FRMD5: variants seen among roughly 807,000 people sequenced by gnomAD.
FRMD5 encodes the protein FERM domain containing 5.
In FRMD5, 20 loss-of-function variants were observed where a neutral mutation model predicts 69.0. The observed-to-expected ratio is 0.29, with a 90% CI of 0.20 to 0.42. The LOEUF (loss-of-function observed/expected upper bound fraction) is 0.42, where lower values mean the gene tolerates loss of function less well. Among genes scored for constraint, FRMD5 ranks in the 10% least tolerant of loss-of-function variants. The probability of loss-of-function intolerance (pLI) is 1.00; values close to 1 mark genes in which losing one functional copy is unlikely to be tolerated. For synonymous variants in FRMD5, 271 were observed against 260.1 expected, an observed-to-expected ratio of 1.04 and a Z score of -0.40; for missense variants, 595 against 708.6, an observed-to-expected ratio of 0.84 and a Z score of 1.82.
chr15:43,969,592 T>A (rs1006735893), intron 1 of FRMD5, among the ~76,000 whole-genome samples: 1 of 152,238 alleles, frequency 6.6e-6, no homozygotes, highest in Admixed American at 6.5e-5. Flanking sequence ...TATATATAAA[T>A]ATTGCAATCT....
intron 1 of FRMD5, among the ~76,000 whole-genome samples, chr15:43,956,221 G>A (rs1595557936): frequency 6.6e-6 from 1 of 152,042 alleles, no homozygotes; most frequent in East Asian, 1.9e-4. Flanking sequence ...AAATTACTTT[G>A]CGGAAATTAC....
intron 1 of FRMD5, among the ~76,000 whole-genome samples, chr15:44,166,952 GTGAATCATTGAATCAT>G (rs1331699498): frequency 6.6e-6 from 1 of 152,080 alleles, no homozygotes; most frequent in Non-Finnish European, 1.5e-5. Flanking sequence ...CTGAAAGTCA[GTGAATCATTGAATCAT>G]TCCAACTAAA....
chr15:44,141,394 T>C (rs765644772), intron 1 of FRMD5, among the ~76,000 whole-genome samples: 1 of 152,152 alleles, frequency 6.6e-6, no homozygotes, highest in Non-Finnish European at 1.5e-5. Flanking sequence ...ACAGGACAGA[T>C]AATTCAGAAA....
chr15:43,993,180 A>G (rs1271713159), intron 1 of FRMD5, among the ~76,000 whole-genome samples: 2 of 152,026 alleles, frequency 1.3e-5, no homozygotes. Flanking sequence ...TTGTGCTCTA[A>G]CATAATAGTT....
At chr15:44,165,822 C>T (rs929189493) in intron 1 of FRMD5, among the ~76,000 whole-genome samples, 2 of 152,146 alleles carry the variant, frequency 1.3e-5, no homozygotes, top group East Asian at 3.9e-4. Flanking sequence ...CAGAGTGAGA[C>T]CCTGCCTCAA....
chr15:44,175,949 T>C (rs1566986467), intron 1 of FRMD5, among the ~76,000 whole-genome samples: 1 of 152,130 alleles, frequency 6.6e-6, no homozygotes, highest in African/African-American at 2.4e-5. Flanking sequence ...ATGGCAACAC[T>C]CCCTGAATTG....
chr15:43,924,954 G>A (rs1039816167), intron 1 of FRMD5, among the ~76,000 whole-genome samples: 2 of 150,822 alleles, frequency 1.3e-5, no homozygotes, highest in Non-Finnish European at 1.5e-5. Context: ...GCCACCCTGT[G>A]CCCCAGTTCC....
intron 13 of FRMD5, among the ~76,000 whole-genome samples, chr15:43,875,255 G>T (rs1048216372): frequency 6.6e-6 from 1 of 151,176 alleles, no homozygotes; most frequent in African/African-American, 2.4e-5. Flanking sequence ...TACTTTGTAG[G>T]GGGGCAGATT....
intron 1 of FRMD5, among the ~76,000 whole-genome samples, chr15:43,938,440 C>G (rs2089802081): frequency 2.0e-5 from 3 of 152,188 alleles, no homozygotes; most frequent in Admixed American, 1.3e-4. Flanking sequence ...AGCTCACATT[C>G]TTTCCAAACG....
At chr15:43,954,286 G>A (rs141269690) in intron 1 of FRMD5, among the ~76,000 whole-genome samples, 22 of 152,324 alleles carry the variant, frequency 1.4e-4, no homozygotes, top group African/African-American at 4.3e-4. Flanking sequence ...CCCAGGAGAC[G>A]AAGGCCTGCT....
chr15:44,168,539 A>T (rs527468766), intron 1 of FRMD5, among the ~76,000 whole-genome samples: 8 of 152,352 alleles, frequency 5.3e-5, no homozygotes, highest in African/African-American at 1.7e-4. Flanking sequence ...AACTGTAACT[A>T]TATTAGTAAT....
chr15:44,158,885 G>C (rs1352403555), intron 1 of FRMD5, among the ~76,000 whole-genome samples: 1 of 152,210 alleles, frequency 6.6e-6, no homozygotes, highest in Non-Finnish European at 1.5e-5. Flanking sequence ...TCAAAGTCTA[G>C]TGGAAGAAAG....
chr15:43,923,135 T>C (rs1022091193), intron 2 of FRMD5, among the ~76,000 whole-genome samples: 1 of 152,214 alleles, frequency 6.6e-6, no homozygotes, highest in Admixed American at 6.5e-5. Context: ...GCTGGGCAAA[T>C]GGACGTAAGA....
At chr15:44,061,031 A>T (rs906382727) in intron 1 of FRMD5, among the ~76,000 whole-genome samples, 21 of 152,194 alleles carry the variant, frequency 1.4e-4, no homozygotes, top group African/African-American at 5.1e-4. Flanking sequence ...TAACAACTAA[A>T]TCTTATTTCA....
intron 1 of FRMD5, among the ~76,000 whole-genome samples, chr15:44,069,905 T>C (rs1893464070): frequency 6.6e-6 from 1 of 152,092 alleles, no homozygotes; most frequent in African/African-American, 2.4e-5. Context: ...ATAGCTCAGG[T>C]TAAGGGGGAG....
intron 1 of FRMD5, among the ~76,000 whole-genome samples, chr15:44,019,478 G>A (rs1891112597): frequency 6.6e-6 from 1 of 150,546 alleles, no homozygotes; most frequent in Non-Finnish European, 1.5e-5. Flanking sequence ...CCTCACACCT[G>A]TAACCTCAAC....
intron 7 of FRMD5, among the ~76,000 whole-genome samples, chr15:43,893,091 G>C (rs1373049108): frequency 1.4e-5 from 2 of 147,310 alleles, no homozygotes; most frequent in Non-Finnish European, 3.0e-5. Context: ...GTGACGGAGT[G>C]AGACTCCATC....
At chr15:44,119,729 CT>C (rs3040926) in intron 1 of FRMD5, among the ~76,000 whole-genome samples, 1,749 of 146,048 alleles carry the variant, frequency 0.012, 27 homozygotes, top group African/African-American at 0.04. Flanking sequence ...CTGTCTACTT[CT>C]TTTTTTTTTT....
intron 1 of FRMD5, among the ~76,000 whole-genome samples, chr15:44,192,490 T>C (rs1194130826): frequency 1.3e-5 from 2 of 152,222 alleles, no homozygotes; most frequent in South Asian, 2.1e-4. Flanking sequence ...ATGCCTAAAA[T>C]GTTGGGAATA....
Sources: allele counts gnomAD v4.1 joint callset (sites outside exome capture counted in the v4.1 genomes callset), GRCh38; gene constraint gnomAD v4.1.1; transcripts MANE v1.5; gene names NCBI Gene and HGNC (gene_info 2026-07-23, HGNC 2026-07-21).